NDC80: variants seen among roughly 807,000 people sequenced by gnomAD.
NDC80 encodes NDC80 kinetochore complex component, also known as kinetochore protein NDC80 homolog.
A neutral mutation model predicts 89.3 loss-of-function variants in NDC80; 69 were observed. The ratio of observed to expected loss-of-function variants is 0.77; its 90% confidence interval spans 0.64 to 0.94. The LOEUF (loss-of-function observed/expected upper bound fraction) is 0.94, where lower values mean the gene tolerates loss of function less well. Among genes scored for constraint, NDC80 ranks in the 40% least tolerant of loss-of-function variants. NDC80 has a pLI of 0.00. For missense variants in NDC80, 593 were observed against 739.6 expected (o/e 0.80, Z 2.30); for synonymous variants, 243 against 255.6 (o/e 0.95, Z 0.47).
At chr18:2,615,821 T>A (rs557015401) in intron 16 of NDC80, among the ~76,000 whole-genome samples, 62 of 152,346 alleles carry the variant, frequency 4.1e-4, no homozygotes, top group South Asian at 2.5e-3. Context: ...TAGAACATTA[T>A]ATTTAATATC....
At chr18:2,597,199 A>G (rs896607760) in intron 11 of NDC80, among the ~76,000 whole-genome samples, 3 of 151,824 alleles carry the variant, frequency 2.0e-5, no homozygotes, top group African/African-American at 7.2e-5. Flanking sequence ...AAGTAAATAA[A>G]ATAAAATAAA....
chr18:2,574,914 C>A, intron 2 of NDC80, 75 bp from the exon 3 acceptor site: 1 of 918,212 alleles, frequency 1.1e-6, no homozygotes, highest in Non-Finnish European at 1.7e-6. Flanking sequence ...GTTGTTGGTT[C>A]TAATATATTT....
chr18:2,614,954 AG>A, intron 16 of NDC80: 1 of 152,296 alleles, frequency 6.6e-6, no homozygotes, highest in South Asian at 2.1e-4. Flanking sequence ...GTGCGGACAG[AG>A]GCGGATGCTG....
At chr18:2,585,664 C>T (rs2072599829) in intron 7 of NDC80, among the ~76,000 whole-genome samples, 1 of 151,524 alleles carries the variant, frequency 6.6e-6, no homozygotes, top group African/African-American at 2.4e-5. Context: ...TTCCTGAAAA[C>T]ATTATAAATT....
At chr18:2,581,608 G>A (rs940228652) in intron 6 of NDC80, among the ~76,000 whole-genome samples, 1 of 152,210 alleles carries the variant, frequency 6.6e-6, no homozygotes, top group Non-Finnish European at 1.5e-5. Flanking sequence ...GCAGTGAGCC[G>A]ATATCACACC....
At chr18:2,593,450 C>A (rs2072638103) in intron 10 of NDC80, among the ~76,000 whole-genome samples, 1 of 152,200 alleles carries the variant, frequency 6.6e-6, no homozygotes, top group Admixed American at 6.5e-5. Flanking sequence ...TGTACTTTTA[C>A]CTCATTGAAG....
At chr18:2,592,327 T>C (rs1385336377) in intron 10 of NDC80, among the ~76,000 whole-genome samples, 2 of 151,924 alleles carry the variant, frequency 1.3e-5, no homozygotes, top group African/African-American at 4.8e-5. Context: ...ATGAGACATA[T>C]TTAAATTTTA....
At chr18:2,608,882 A>G in intron 15 of NDC80, 52 bp downstream of exon 15, 1 of 1,547,612 alleles carries the variant, frequency 6.5e-7, no homozygotes, top group Non-Finnish European at 8.8e-7. Context: ...TATTAATTTA[A>G]CAGTTCCATA....
At chr18:2,585,728 ATAAC>A (rs536339098) in intron 7 of NDC80, among the ~76,000 whole-genome samples, 118 of 152,332 alleles carry the variant, frequency 7.7e-4, no homozygotes, top group African/African-American at 2.6e-3. Context: ...TTTCTTAAAA[ATAAC>A]TAGGCACAAA....
intron 13 of NDC80, among the ~76,000 whole-genome samples, chr18:2,605,146 G>C (rs942459570): frequency 2.6e-5 from 4 of 152,124 alleles, no homozygotes; most frequent in Non-Finnish European, 5.9e-5. Context: ...TCTTTACCTT[G>C]ATAAAGAATA....
chr18:2,589,918 A>G (rs2072619361), intron 9 of NDC80, 100 bp from the exon 10 acceptor site: 2 of 841,462 alleles, frequency 2.4e-6, no homozygotes, highest in Non-Finnish European at 1.6e-6. Context: ...ACTCAAATCT[A>G]CCTTTCTCTA....
chr18:2,606,492 C>A lies in NDC80; in HGVS notation c.1542C>A (p.Tyr514Ter). Residue 514 changes from tyrosine to a stop codon, truncating the protein, a stop_gained, in exon 14 of 17, where the codon TAC becomes TAA. Coordinates refer to ENST00000261597, the MANE Select transcript of NDC80 (RefSeq NM_006101.3). LOFTEE classifies it high-confidence loss of function. ...KEEVQKLDDL[Y>*]QQKIKEAEEE... is the part of the protein sequence containing the mutation. ...AAGTTCAAAAGCTGGATGATCTTTA[C>A]CAACAAAAAATTAAGGTAAGAACTT... 2 of 1,600,288 alleles carry A rather than the reference C, an allele frequency of 1.2e-6. No individual in the cohort carries two copies. The highest frequency in any genetic ancestry group is 2.3e-5 in the East Asian group (1 of 44,102).
chr18:2,601,313 C>G, intron 12 of NDC80, 83 bp from the exon 13 acceptor site: 1 of 505,872 alleles, frequency 2.0e-6, no homozygotes, highest in East Asian at 3.4e-5. Context: ...AGTGACTCCT[C>G]CTATCACAGT....
At chr18:2,592,680 T>A (rs2072633503) in intron 10 of NDC80, among the ~76,000 whole-genome samples, 1 of 152,094 alleles carries the variant, frequency 6.6e-6, no homozygotes, top group Non-Finnish European at 1.5e-5. Flanking sequence ...AGATATTATA[T>A]GTTGTGGATT....
chr18:2,572,330 C>T (rs1297137250), intron 1 of NDC80, among the ~76,000 whole-genome samples: 2 of 152,110 alleles, frequency 1.3e-5, no homozygotes, highest in Non-Finnish European at 2.9e-5. Flanking sequence ...TCCTAGGAGA[C>T]AAATTTTTTA....
At chr18:2,616,404 T>G (rs2072783642) in intron 16 of NDC80, 33 bp from the exon 17 acceptor site, 3 of 1,365,768 alleles carry the variant, frequency 2.2e-6, no homozygotes, top group African/African-American at 3.0e-5. Flanking sequence ...ATTAATTTTT[T>G]TTACTTTAAC....
chr18:2,596,647 A>G (rs1324618822), intron 11 of NDC80, among the ~76,000 whole-genome samples: 1 of 151,142 alleles, frequency 6.6e-6, no homozygotes, highest in East Asian at 1.9e-4. Context: ...AACTAGAAAT[A>G]CCATTTGACC....
At chr18:2,582,640 G>A (rs1374762972) in intron 6 of NDC80, 1 of 152,144 alleles carries the variant, frequency 6.6e-6, no homozygotes, top group Non-Finnish European at 1.5e-5. Flanking sequence ...TGTTTTGCAT[G>A]TTGAAGTTTA....
intron 16 of NDC80, 63 bp downstream of exon 16, chr18:2,610,924 GCTTT>G: frequency 1.0e-6 from 1 of 992,886 alleles, no homozygotes; most frequent in Non-Finnish European, 1.4e-6. Context: ...ATACATTTCT[GCTTT>G]CTTCCATATA....
Sources: allele counts gnomAD v4.1 joint callset (sites outside exome capture counted in the v4.1 genomes callset), GRCh38; gene constraint gnomAD v4.1.1; transcripts MANE v1.5; gene names NCBI Gene and HGNC (gene_info 2026-07-23, HGNC 2026-07-21).